The following WNK1 variants were observed in gnomAD, a reference collection of about 807,000 sequenced individuals.
WNK1 encodes the protein serine/threonine-protein kinase WNK1.
WNK1 carries 38 observed loss-of-function variants against 222.8 expected under a neutral mutation model. That is an observed-to-expected ratio of 0.17 (90% CI 0.13 to 0.22). The LOEUF is 0.22. Ranked by LOEUF, WNK1 falls within the 10% of genes least tolerant of loss-of-function variation. The pLI is 1.00. For synonymous variants in WNK1, 1,090 were observed against 1,092.9 expected, an observed-to-expected ratio of 1.00 and a Z score of 0.05; for missense variants, 2,348 against 2,918.4, an observed-to-expected ratio of 0.80 and a Z score of 4.50.
rs1948417501 is a variant in WNK1, at chr12:827,102, C to T, written c.993C>T (p.Ile331=). 1 of 1,614,132 alleles carries T rather than the reference C, an allele frequency of 6.2e-7. No individual in the cohort carries two copies. The highest frequency in any genetic ancestry group is 8.5e-7 in the Non-Finnish European group (1 of 1,180,034). Residue 331 remains isoleucine (I), a synonymous_variant, in exon 3 of 28, where the codon ATC becomes ATT. Transcript: ENST00000315939. The surrounding 1 kb of genome is among the most constrained non-coding windows in gnomAD (Gnocchi z 4.6). ...IKVLRSWCRQ[I]LKGLQFLHTR... ...TTCTAAGAAGCTGGTGCCGTCAGATCCTTAAAGGTCTTCAGTTTCTTCATA... is the reference window on the plus strand; with the variant it reads ...TTCTAAGAAGCTGGTGCCGTCAGATTCTTAAAGGTCTTCAGTTTCTTCATA...
chr12:775,181 G>A (rs1346037549), intron 1 of WNK1, among the ~76,000 whole-genome samples: 1 of 152,156 alleles, frequency 6.6e-6, no homozygotes, highest in East Asian at 1.9e-4. Flanking sequence ...TTTTTAAAAT[G>A]TTTATACTAG....
intron 2 of WNK1, among the ~76,000 whole-genome samples, chr12:819,783 T>C (rs964913883): frequency 2.0e-5 from 3 of 152,230 alleles, no homozygotes; most frequent in Non-Finnish European, 2.9e-5. Context: ...TTCTTTTACA[T>C]GTTGATGTCC....
chr12:823,842 G>C (rs142087264), intron 2 of WNK1, among the ~76,000 whole-genome samples: 1 of 151,524 alleles, frequency 6.6e-6, no homozygotes, highest in Non-Finnish European at 1.5e-5. Flanking sequence ...CTTCAATGTG[G>C]TTGGGCAAAA....
At chr12:823,151 TA>T (rs1226512651) in intron 2 of WNK1, among the ~76,000 whole-genome samples, 1 of 152,228 alleles carries the variant, frequency 6.6e-6, no homozygotes, top group African/African-American at 2.4e-5. Context: ...AATCAGCTCA[TA>T]ATCTTATTGA....
intron 6 of WNK1, 74 bp downstream of exon 6, chr12:859,538 G>A (rs1342023858): frequency 5.1e-6 from 6 of 1,169,402 alleles, no homozygotes; most frequent in Non-Finnish European, 7.5e-6. Context: ...CAAAAAAGCA[G>A]TTGATGAAGT....
chr12:777,552 CG>C (rs1182031081), intron 1 of WNK1, among the ~76,000 whole-genome samples: 2 of 152,088 alleles, frequency 1.3e-5, no homozygotes, highest in Non-Finnish European at 2.9e-5. Context: ...TTGGACCAAA[CG>C]TAGTCTGCTA....
Position 868,345 on chromosome 12 carries a change from A to G in WNK1, c.2140-2920A>G, listed in dbSNP as rs776689867. On this transcript the variant is annotated intron_variant, in intron 8 of 27. Transcript: ENST00000315939. ...ATGAGGGCATTCCATACAACTCATC[A>G]GTACTGTCAAGTCCTATGAAACAGA... is the stretch of plus-strand genomic sequence containing the variant. 2.4e-5 allele frequency: 38 copies of G among 1,613,760 alleles called. 2 individuals carry two copies. In the South Asian group the frequency reaches 4.0e-4, roughly 17 times the overall value.
intron 1 of WNK1, among the ~76,000 whole-genome samples, chr12:789,053 G>A (rs1252663738): frequency 6.6e-6 from 1 of 152,136 alleles, no homozygotes; most frequent in East Asian, 1.9e-4. Flanking sequence ...ATAATGAAAG[G>A]ACATACTGAG....
At position 908,837 on chromosome 12, in the gene WNK1, T is replaced by C. The variant is rs754350903; in HGVS notation, c.*45T>C. 2.0e-6 allele frequency: 1 copy of C among 508,286 alleles called. No homozygotes were observed. Among genetic ancestry groups the C allele is most frequent in the Non-Finnish European group, 3.6e-6 (1 of 279,878 alleles). The allele number at this position is 508,286 out of a possible 1,614,324, so 31.5% of individuals were successfully genotyped here. A position where few individuals can be genotyped will look rare whatever the true frequency, so the allele number is the denominator to read the frequency against. ...ATAGATCTGGGGGCAGGAGATGGAA[T>C]GCTGAGGGGGTGGGTGGGGGTGGGA... On this transcript the variant is annotated 3_prime_UTR_variant, in exon 28 of 28. Transcript: ENST00000315939.
chr12:862,323 C>T, intron 8 of WNK1, 53 bp downstream of exon 8: 1 of 1,582,464 alleles, frequency 6.3e-7, no homozygotes, highest in Non-Finnish European at 8.7e-7. Context: ...AATGGATAGT[C>T]TGCTAAATTA....
At chr12:813,449 A>C (rs118054540) in intron 1 of WNK1, among the ~76,000 whole-genome samples, 193 bp from the exon 2 acceptor site, 2 of 152,266 alleles carry the variant, frequency 1.3e-5, no homozygotes, top group East Asian at 3.8e-4. Context: ...TGAGTTACAC[A>C]TTAACAGTAA....
intron 15 of WNK1, 146 bp downstream of exon 15, chr12:883,205 C>T: frequency 1.0e-6 from 1 of 959,648 alleles, no homozygotes; most frequent in Non-Finnish European, 1.7e-6. Context: ...CACACCCAAC[C>T]TGTGATTTAG....
chr12:795,897 TTC>T (rs1263194398), intron 1 of WNK1, among the ~76,000 whole-genome samples: 4 of 152,184 alleles, frequency 2.6e-5, no homozygotes, highest in African/African-American at 7.2e-5. Context: ...TTTCTCCTTC[TTC>T]TTTTTGAGAC....
intron 4 of WNK1, among the ~76,000 whole-genome samples, chr12:852,023 G>T (rs1285340458): frequency 2.6e-5 from 4 of 152,146 alleles, no homozygotes; most frequent in Non-Finnish European, 5.9e-5. Context: ...CCTTTATTAA[G>T]AGTTAATGTT....
chr12:898,759 A>T (rs1459579643), intron 25 of WNK1, among the ~76,000 whole-genome samples: 1 of 149,978 alleles, frequency 6.7e-6, no homozygotes, highest in Non-Finnish European at 1.5e-5. Flanking sequence ...TTTTTTTTTG[A>T]GACAGAATCC....
chr12:868,075 T>G lies in WNK1; in HGVS notation c.2140-3190T>G, dbSNP rs1335027205. 6.2e-7 allele frequency: 1 copy of G among 1,613,826 alleles called. No individual in the cohort carries two copies. The highest frequency in any genetic ancestry group is 1.3e-5 in the African/African-American group (1 of 74,890). Reference sequence around the variant, plus strand: ...CCCTGCTGAGGACTGTTGGCCAAAGTCTTCTTCCACCTGGTGGCAGCCCAA... The same window carrying G: ...CCCTGCTGAGGACTGTTGGCCAAAGGCTTCTTCCACCTGGTGGCAGCCCAA... On this transcript the variant is annotated intron_variant, in intron 8 of 27. Transcript: ENST00000315939.
rs372091476 is a variant in WNK1, at chr12:868,410, G to T, written c.2140-2855G>T. 296 of 1,613,950 alleles carry T rather than the reference G, an allele frequency of 1.8e-4. No homozygotes were observed. The highest frequency in any genetic ancestry group is 7.5e-4 in the Admixed American group (45 of 60,020). On this transcript the variant is annotated intron_variant, in intron 8 of 27. Coordinates refer to ENST00000315939, the MANE Select transcript of WNK1 (RefSeq NM_018979.4). Reference sequence around the variant, plus strand: ...CCAGTACAAGGGGGCCCTACTTCAAGTTCTGTCTTTGAATTTCCATCTGGA... The same window carrying T: ...CCAGTACAAGGGGGCCCTACTTCAATTTCTGTCTTTGAATTTCCATCTGGA...
At chr12:908,315 G>A in intron 27 of WNK1, 160 bp from the exon 28 acceptor site, 2 of 834,346 alleles carry the variant, frequency 2.4e-6, no homozygotes, top group East Asian at 5.3e-5. Flanking sequence ...CTCTCATGAG[G>A]ATTATTTTCA....
intron 1 of WNK1, among the ~76,000 whole-genome samples, chr12:790,265 T>TATTAC (rs1466832913): frequency 6.6e-6 from 1 of 152,178 alleles, no homozygotes; most frequent in Non-Finnish European, 1.5e-5. Flanking sequence ...TTTTATTTTT[T>TATTAC]ATTACATTTT....
Sources: gnomAD v4.1 joint callset for allele counts (sites outside exome capture counted in the v4.1 genomes callset) on GRCh38, gnomAD v4.1.1 for gene constraint, Gnocchi (gnomAD v3.1) non-coding constraint, MANE v1.5 for transcripts, NCBI Gene and HGNC (gene_info 2026-07-23, HGNC 2026-07-21) for gene names.